The following XXYLT1 variants were observed in gnomAD, a reference collection of about 807,000 sequenced individuals.
The protein encoded by XXYLT1 is UDP-xylose:alpha-xyloside alpha-1,3-xylosyltransferase.
Under a neutral mutation model 28.9 loss-of-function variants are expected in XXYLT1, and 20 were observed. The ratio of observed to expected loss-of-function variants is 0.69; its 90% CI spans 0.49 to 1.00. The LOEUF (loss-of-function observed/expected upper bound fraction) is 1.00, where lower values mean the gene tolerates loss of function less well. Among genes scored for constraint, XXYLT1 ranks in the 50% least tolerant of loss-of-function variants. The pLI is 0.00. For missense variants in XXYLT1, 542 were observed against 560.1 expected, an observed-to-expected ratio of 0.97 and a Z score of 0.33; for synonymous variants, 257 against 253.8, an observed-to-expected ratio of 1.01 and a Z score of -0.12.
intron 2 of XXYLT1, among the ~76,000 whole-genome samples, chr3:195,157,361 T>A (rs1720656492): frequency 6.6e-6 from 1 of 151,886 alleles, no homozygotes; most frequent in Admixed American, 6.6e-5. Flanking sequence ...CAGGCCTTTA[T>A]CAGTGCGTTC....
chr3:195,149,584 C>T (rs1720076237), intron 3 of XXYLT1, among the ~76,000 whole-genome samples: 1 of 152,206 alleles, frequency 6.6e-6, no homozygotes, highest in Admixed American at 6.5e-5. Context: ...GGGCACAGTC[C>T]TCGGTCTCTC....
chr3:195,140,051 C>T (rs553579509), intron 3 of XXYLT1, among the ~76,000 whole-genome samples: 1 of 152,238 alleles, frequency 6.6e-6, no homozygotes, highest in Non-Finnish European at 1.5e-5. Flanking sequence ...CATCCTTTTA[C>T]AGTCACAGGC....
At chr3:195,266,483 A>C (rs893319004) in intron 1 of XXYLT1, among the ~76,000 whole-genome samples, 9 of 151,400 alleles carry the variant, frequency 5.9e-5, no homozygotes, top group African/African-American at 2.2e-4. Context: ...ACAGAGCAAG[A>C]CTCTATCACA....
At chr3:195,247,737 G>T (rs762426384) in intron 1 of XXYLT1, 3 of 697,932 alleles carry the variant, frequency 4.3e-6, no homozygotes, top group Non-Finnish European at 7.8e-6. Flanking sequence ...CCAAGACTTG[G>T]TGATTTATAA....
intron 3 of XXYLT1, among the ~76,000 whole-genome samples, chr3:195,119,580 G>A (rs138006176): frequency 1.8e-3 from 275 of 152,188 alleles, no homozygotes; most frequent in East Asian, 0.01. Flanking sequence ...CTCCTAGCCC[G>A]GGCCCCGCAC....
intron 1 of XXYLT1, among the ~76,000 whole-genome samples, chr3:195,262,941 C>G (rs6784442): frequency 0.03 from 4,557 of 152,292 alleles, 233 homozygotes; most frequent in African/African-American, 0.1. Context: ...TTTCAAAGAG[C>G]CTCTCCCTTC....
intron 2 of XXYLT1, among the ~76,000 whole-genome samples, chr3:195,220,428 G>T (rs563117728): frequency 6.6e-6 from 1 of 152,330 alleles, no homozygotes; most frequent in South Asian, 2.1e-4. Flanking sequence ...ACAGGCGTGA[G>T]CCACCTCGCC....
intron 3 of XXYLT1, among the ~76,000 whole-genome samples, chr3:195,128,081 G>A (rs1718726590): frequency 6.6e-6 from 1 of 152,152 alleles, no homozygotes; most frequent in East Asian, 1.9e-4. Flanking sequence ...CCTGTAACCT[G>A]CAACGGGGCC....
At chr3:195,094,901 C>T (rs1371899105) in intron 3 of XXYLT1, among the ~76,000 whole-genome samples, 1 of 152,222 alleles carries the variant, frequency 6.6e-6, no homozygotes, top group Non-Finnish European at 1.5e-5. Context: ...TCTCAGCTAA[C>T]CCCACTGGCC....
chr3:195,236,915 C>T (rs759236940), intron 1 of XXYLT1, among the ~76,000 whole-genome samples: 1 of 152,090 alleles, frequency 6.6e-6, no homozygotes, highest in Non-Finnish European at 1.5e-5. Flanking sequence ...GGAATGGGGG[C>T]CTCATGACTC....
intron 3 of XXYLT1, among the ~76,000 whole-genome samples, chr3:195,098,354 C>A (rs1279502965): frequency 6.6e-6 from 1 of 152,074 alleles, no homozygotes; most frequent in East Asian, 1.9e-4. Flanking sequence ...AAGATCGAGA[C>A]CATCCTGGCT....
chr3:195,212,777 G>C (rs575139173), intron 2 of XXYLT1, among the ~76,000 whole-genome samples: 1 of 152,198 alleles, frequency 6.6e-6, no homozygotes, highest in East Asian at 1.9e-4. Flanking sequence ...ACTGTCTTCT[G>C]TGAAACCAGT....
chr3:195,103,982 C>G (rs4375988), intron 3 of XXYLT1, among the ~76,000 whole-genome samples: 1,750 of 152,302 alleles, frequency 0.011, 24 homozygotes, highest in African/African-American at 0.04. Context: ...CACTTTAAGT[C>G]TGTTGTTTGG....
chr3:195,257,640 T>A lies in XXYLT1; in HGVS notation c.504+12915A>T, dbSNP rs1187719928. 2.6e-5 allele frequency among the ~76,000 whole-genome samples: 4 copies of A among 152,062 alleles called. 1 individual carries two copies. Among genetic ancestry groups the A allele is most frequent in the African/African-American group, 9.7e-5 (4 of 41,416 alleles). ...CCTGGCTGGGCCGGCACGGGCCCCG[T>A]AGCTCTCCCTGTGGCTCCCGCTCCA... On this transcript the variant is annotated intron_variant, in intron 1 of 3. Transcript: ENST00000310380. This position sits in a 1 kb window ranked among gnomAD's most constrained non-coding sequence, Gnocchi z 4.3.
At chr3:195,147,388 G>C (rs1395359136) in intron 3 of XXYLT1, among the ~76,000 whole-genome samples, 1 of 152,166 alleles carries the variant, frequency 6.6e-6, no homozygotes, top group Non-Finnish European at 1.5e-5. Context: ...TGGCCAACAT[G>C]ATGAAACCCT....
chr3:195,088,060 A>G lies in XXYLT1; in HGVS notation c.786-17949T>C, dbSNP rs564517221. ...ACCCCACGGAGTCTCGCTGATTGCC[A>G]GCACAGCGGTCTGAGATCAAACTGC... On this transcript the variant is annotated intron_variant, in intron 3 of 3. Transcript: ENST00000310380. Among the ~76,000 whole-genome samples, 101 of 152,138 alleles carry G rather than the reference A, an allele frequency of 6.6e-4. 1 individual carries two copies. Among genetic ancestry groups the G allele is most frequent in the African/African-American group, 2.3e-3 (97 of 41,494 alleles).
intron 2 of XXYLT1, among the ~76,000 whole-genome samples, chr3:195,216,603 C>G (rs1423298584): frequency 1.8e-4 from 27 of 149,066 alleles, no homozygotes; most frequent in African/African-American, 6.1e-4. Flanking sequence ...TCTCCCAAGA[C>G]TAAACCAGGA....
rs527963944 is a variant in XXYLT1, at chr3:195,209,012, T to A, written c.652+17697A>T. On this transcript the variant is annotated intron_variant, in intron 2 of 3. Coordinates refer to ENST00000310380, the MANE Select transcript of XXYLT1 (RefSeq NM_152531.5). The surrounding 1 kb of genome is among the most constrained non-coding windows in gnomAD (Gnocchi z 5.0). ...ACAAACCTTATTATGTGATCAATGATGCTTTAAAAGAAAAAATACTGTACC... is the reference window on the plus strand; with the variant it reads ...ACAAACCTTATTATGTGATCAATGAAGCTTTAAAAGAAAAAATACTGTACC... Among the ~76,000 whole-genome samples, 1 of 152,194 alleles carries A rather than the reference T, an allele frequency of 6.6e-6. No homozygotes were observed. The highest frequency in any genetic ancestry group is 2.4e-5 in the African/African-American group (1 of 41,442).
At chr3:195,253,339 A>T (rs1165503538) in intron 1 of XXYLT1, among the ~76,000 whole-genome samples, 1 of 152,160 alleles carries the variant, frequency 6.6e-6, no homozygotes, top group Non-Finnish European at 1.5e-5. Flanking sequence ...AGAAATCAGG[A>T]GGCGAAGCGG....
Sources: gnomAD v4.1 joint callset for allele counts (sites outside exome capture counted in the v4.1 genomes callset) on GRCh38, gnomAD v4.1.1 for gene constraint, Gnocchi (gnomAD v3.1) non-coding constraint, MANE v1.5 for transcripts, NCBI Gene and HGNC (gene_info 2026-07-23, HGNC 2026-07-21) for gene names.